The following KHDC4 variants were observed in gnomAD, a reference collection of about 807,000 sequenced individuals.
The protein encoded by KHDC4 is KH homology domain-containing protein 4.
In KHDC4, 19 loss-of-function variants were observed where a neutral mutation model predicts 74.5. The observed-to-expected ratio is 0.26, with a 90% CI of 0.18 to 0.37. The LOEUF (loss-of-function observed/expected upper bound fraction) is 0.37, where lower values mean the gene tolerates loss of function less well. Among genes scored for constraint, KHDC4 ranks in the 10% least tolerant of loss-of-function variants. The pLI is 1.00. For synonymous variants in KHDC4, 253 were observed against 266.1 expected, an observed-to-expected ratio of 0.95 and a Z score of 0.48; for missense variants, 632 against 754.1, an observed-to-expected ratio of 0.84 and a Z score of 1.90.
chr1:155,921,182 T>C (rs982219551), intron 10 of KHDC4, 193 bp downstream of exon 10: 1 of 613,748 alleles, frequency 1.6e-6, no homozygotes, highest in Non-Finnish European at 2.8e-6. Flanking sequence ...TGTGAAAATA[T>C]AAACTTCAGG....
At position 155,934,398 on chromosome 1, in the gene KHDC4, C is replaced by A. The variant is rs758200644; in HGVS notation, c.-25G>T. The A allele has an allele frequency of 1.9e-6, 3 of 1,611,006 alleles. No individual in the cohort carries two copies. Among genetic ancestry groups the A allele is most frequent in the Non-Finnish European group, 1.7e-6 (2 of 1,179,364 alleles). On this transcript the variant is annotated 5_prime_UTR_variant, in exon 1 of 14. Coordinates refer to ENST00000368321, the MANE Select transcript of KHDC4 (RefSeq NM_014949.4). ...TGGCGACCGCTTCTACTCAACCACC[C>A]GCCAACTATCCGACTACCACCTCTC...
chr1:155,922,147 T>A (rs1385092883), intron 8 of KHDC4: 1 of 9,666 alleles, frequency 1.0e-4, no homozygotes, highest in Non-Finnish European at 1.5e-3. Flanking sequence ...CTGCAAATCT[T>A]TTTTTTTTTT....
chr1:155,928,156 C>T (rs533262750), intron 4 of KHDC4, among the ~76,000 whole-genome samples: 56 of 151,700 alleles, frequency 3.7e-4, no homozygotes, highest in Non-Finnish European at 7.5e-4. Flanking sequence ...GGGAACCACC[C>T]GAGGTCAGGA....
Position 155,922,115 on chromosome 1 carries a change from G to A in KHDC4, c.955-197C>T, listed in dbSNP as rs541755117. On this transcript the variant is annotated intron_variant, in intron 8 of 13. Coordinates refer to ENST00000368321, the MANE Select transcript of KHDC4 (RefSeq NM_014949.4). ...CTTGCTCTGTCACCCAGGCTGGAGTGCAGTGGCGCGATCTTGTATCACTGC... is the reference window on the plus strand; with the variant it reads ...CTTGCTCTGTCACCCAGGCTGGAGTACAGTGGCGCGATCTTGTATCACTGC... 1.0e-4 allele frequency: 41 copies of A among 391,348 alleles called. 1 individual carries two copies. The East Asian group carries it at 2.0e-3, about 19-fold the overall frequency. 24.2% of individuals were successfully genotyped at this position (391,348 alleles called of 1,614,324 possible).
At chr1:155,924,084 G>C (rs555373843) in intron 7 of KHDC4, among the ~76,000 whole-genome samples, 1 of 152,112 alleles carries the variant, frequency 6.6e-6, no homozygotes, top group South Asian at 2.1e-4. Context: ...TTGGGAGACC[G>C]AGACAGGCGG....
chr1:155,933,168 G>A (rs868509843), intron 2 of KHDC4, among the ~76,000 whole-genome samples: 1 of 152,046 alleles, frequency 6.6e-6, no homozygotes, highest in African/African-American at 2.4e-5. Context: ...AAAACGCCTC[G>A]TAAATATGTA....
chr1:155,923,512 C>A (rs936188741), intron 8 of KHDC4, 115 bp downstream of exon 8: 1 of 750,102 alleles, frequency 1.3e-6, no homozygotes, highest in Admixed American at 2.1e-5. Flanking sequence ...AGCCACCCAA[C>A]TGCCATAACT....
At chr1:155,930,935 C>A (rs1023176009) in intron 2 of KHDC4, among the ~76,000 whole-genome samples, 1 of 152,014 alleles carries the variant, frequency 6.6e-6, no homozygotes, top group African/African-American at 2.4e-5. Flanking sequence ...TGCTTGAAGC[C>A]GGGAGGCAGA....
In KHDC4 at chr1:155,933,788, G is replaced by A; in HGVS notation, c.100C>T (p.Pro34Ser). ...APLLFLPPAA[P>S]GGEVTSSGGS... is the part of the protein sequence containing the mutation. Reference sequence around the variant, plus strand: ...CCACTGCTGGTGACCTCCCCACCTGGGGCCGCTGGCGGGAGGAAGAGAAGT... The same window carrying A: ...CCACTGCTGGTGACCTCCCCACCTGAGGCCGCTGGCGGGAGGAAGAGAAGT... Residue 34 changes from proline (P) to serine (S), a missense_variant, in exon 2 of 14, where the codon CCA becomes TCA. By Grantham distance (74) the Pro-to-Ser change is moderately conservative. Around this residue, in one of 4 missense-constraint regions of KHDC4, gnomAD observed 104 missense variants for 78.1 expected, o/e 1.33. Transcript: ENST00000368321. 4 of 1,596,320 alleles carry A rather than the reference G, an allele frequency of 2.5e-6. No homozygotes were observed. The highest frequency in any genetic ancestry group is 3.4e-6 in the Non-Finnish European group (4 of 1,169,924).
intron 13 of KHDC4, chr1:155,914,648 GAAGTT>G (rs984197078): frequency 2.1e-5 from 5 of 235,928 alleles, no homozygotes; most frequent in Admixed American, 1.0e-4. Flanking sequence ...TAAAAGAAAA[GAAGTT>G]AAGAAAAGAA....
In KHDC4 at chr1:155,933,854, A is replaced by C. The variant is rs766885187; in HGVS notation, c.39-5T>G. ...TGGTCCCATTTGCTGCGGCGCCTAC[A>C]TGGAGAAAAAGGAAAACATTAGGCC... is the stretch of plus-strand genomic sequence containing the variant. On this transcript the variant is annotated splice_polypyrimidine_tract_variant and splice_region_variant and intron_variant, in intron 1 of 13. Coordinates refer to ENST00000368321, the MANE Select transcript of KHDC4 (RefSeq NM_014949.4). The C allele has an allele frequency of 6.6e-7, 1 of 1,526,248 alleles. No individual in the cohort carries two copies. The highest frequency in any genetic ancestry group is 8.8e-7 in the Non-Finnish European group (1 of 1,132,796). The allele number at this position is 1,526,248 out of a possible 1,614,324, so 94.5% of individuals were successfully genotyped here. A position where few individuals can be genotyped will look rare whatever the true frequency, so the allele number is the denominator to read the frequency against.
At chr1:155,916,967 G>A (rs1057226589) in intron 11 of KHDC4, 2 of 358,744 alleles carry the variant, frequency 5.6e-6, no homozygotes, top group South Asian at 5.9e-5. Flanking sequence ...TCTATGGCCT[G>A]TTTTTAACTG....
chr1:155,923,013 G>A (rs990539042), intron 8 of KHDC4, among the ~76,000 whole-genome samples: 6 of 152,032 alleles, frequency 3.9e-5, no homozygotes, highest in Non-Finnish European at 7.4e-5. Context: ...AGACCATCCC[G>A]GCTAAAACGG....
chr1:155,921,774 G>T, intron 9 of KHDC4, 87 bp downstream of exon 9: 1 of 1,389,276 alleles, frequency 7.2e-7, no homozygotes, highest in Non-Finnish European at 1.0e-6. Flanking sequence ...CATTAATAGT[G>T]CCCTGGCACA....
intron 13 of KHDC4, chr1:155,915,544 A>G (rs780527819): frequency 9.6e-5 from 32 of 333,744 alleles, no homozygotes; most frequent in Non-Finnish European, 1.6e-4. Flanking sequence ...GTCTTGCTCT[A>G]TTGCCCAGGC....
At chr1:155,921,242 G>C (rs1673856314) in intron 10 of KHDC4, 133 bp downstream of exon 10, 2 of 1,025,110 alleles carry the variant, frequency 2.0e-6, no homozygotes, top group African/African-American at 3.2e-5. Flanking sequence ...TAGGTTGGTG[G>C]TAGGAACACA....
chr1:155,914,874 A>T (rs1042219789), intron 13 of KHDC4: 1 of 153,088 alleles, frequency 6.5e-6, no homozygotes, highest in African/African-American at 2.4e-5. Context: ...AGTCCGTATC[A>T]GATGACCTCC....
chr1:155,926,223 G>T (rs1673991159), intron 6 of KHDC4: 1 of 399,626 alleles, frequency 2.5e-6, no homozygotes. Flanking sequence ...TTATACCGTG[G>T]AGAGCTGGAT....
intron 10 of KHDC4, among the ~76,000 whole-genome samples, chr1:155,920,926 C>T (rs1231921619): frequency 6.6e-6 from 1 of 152,110 alleles, no homozygotes. Flanking sequence ...AAACAATGGC[C>T]AAGGGTATGG....
Sources: gnomAD v4.1 joint callset for allele counts (sites outside exome capture counted in the v4.1 genomes callset) on GRCh38, gnomAD v4.1.1 for gene constraint, gnomAD v4.1.1 regional missense constraint, MANE v1.5 for transcripts, NCBI Gene and HGNC (gene_info 2026-07-23, HGNC 2026-07-21) for gene names.